The following NT5DC1 variants were observed in gnomAD, a reference collection of about 807,000 sequenced individuals.
NT5DC1 encodes the protein 5'-nucleotidase domain containing 1, also known as 5'-nucleotidase domain-containing protein 1.
Under a neutral mutation model 59.4 loss-of-function variants are expected in NT5DC1, and 42 were observed. The observed-to-expected ratio is 0.71, with a 90% CI of 0.55 to 0.92. NT5DC1 has a LOEUF of 0.92. Ranked by LOEUF, NT5DC1 falls within the 40% of genes least tolerant of loss-of-function variation. The probability of loss-of-function intolerance (pLI) is 0.00; values close to 1 mark genes in which losing one functional copy is unlikely to be tolerated. For missense variants in NT5DC1, 501 were observed against 537.1 expected (o/e 0.93, Z 0.66); for synonymous variants, 172 against 188.1 (o/e 0.91, Z 0.70).
chr6:116,236,335 G>A (rs1035063954), intron 8 of NT5DC1, among the ~76,000 whole-genome samples: 2 of 152,100 alleles, frequency 1.3e-5, no homozygotes, highest in East Asian at 3.9e-4. Flanking sequence ...TAGAATAGCC[G>A]GCAAAATTCA....
chr6:116,154,125 A>G (rs1780121837), intron 6 of NT5DC1, among the ~76,000 whole-genome samples: 1 of 150,446 alleles, frequency 6.6e-6, no homozygotes, highest in Non-Finnish European at 1.5e-5. Context: ...ATCAGCATTG[A>G]TTTGTAGTGT....
chr6:116,237,850 C>T (rs1457620093), intron 9 of NT5DC1, among the ~76,000 whole-genome samples: 1 of 152,196 alleles, frequency 6.6e-6, no homozygotes, highest in African/African-American at 2.4e-5. Context: ...ACCAGCTCTT[C>T]AACTGCAGGG....
intron 6 of NT5DC1, among the ~76,000 whole-genome samples, chr6:116,178,349 T>G (rs1043743951): frequency 2.6e-5 from 4 of 152,132 alleles, no homozygotes; most frequent in African/African-American, 9.7e-5. Flanking sequence ...TAGGACACCT[T>G]TCTGAACTCT....
At chr6:116,141,612 A>C (rs1257898336) in intron 6 of NT5DC1, among the ~76,000 whole-genome samples, 1 of 152,018 alleles carries the variant, frequency 6.6e-6, no homozygotes, top group Non-Finnish European at 1.5e-5. Context: ...TTAGTTGACC[A>C]TTCTTTTAAT....
At chr6:116,229,610 G>A (rs756024773) in intron 8 of NT5DC1, among the ~76,000 whole-genome samples, 14 of 152,126 alleles carry the variant, frequency 9.2e-5, no homozygotes, top group Non-Finnish European at 1.8e-4. Flanking sequence ...CGTGCAGTGC[G>A]TCACCAGATC....
intron 7 of NT5DC1, among the ~76,000 whole-genome samples, chr6:116,221,727 A>G (rs909167292): frequency 6.6e-6 from 1 of 152,234 alleles, no homozygotes; most frequent in African/African-American, 2.4e-5. Flanking sequence ...CTTGATTTCA[A>G]GCCCCGCTCT....
intron 6 of NT5DC1, among the ~76,000 whole-genome samples, chr6:116,180,958 AATT>A (rs537647012): frequency 6.6e-6 from 1 of 152,050 alleles, no homozygotes; most frequent in Non-Finnish European, 1.5e-5. Context: ...GATAGTAAAG[AATT>A]ATTGTTATAT....
In NT5DC1 at chr6:116,121,042, T is replaced by G. The variant is rs147229154; in HGVS notation, c.529+3097T>G. ...CTGGCCCTGTCTCACCTTTAGGGCCTGGGAGACCATGGCTACCCGGGATGC... is the reference window on the plus strand; with the variant it reads ...CTGGCCCTGTCTCACCTTTAGGGCCGGGGAGACCATGGCTACCCGGGATGC... On this transcript the variant is annotated intron_variant, in intron 6 of 11. Coordinates refer to ENST00000319550, the MANE Select transcript of NT5DC1 (RefSeq NM_152729.3). 5 of 1,614,086 alleles carry G rather than the reference T, an allele frequency of 3.1e-6. No individual in the cohort carries two copies. Among genetic ancestry groups the G allele is most frequent in the Non-Finnish European group, 4.2e-6 (5 of 1,179,950 alleles).
At chr6:116,145,492 T>C (rs1416126506) in intron 6 of NT5DC1, 4 of 370,642 alleles carry the variant, frequency 1.1e-5, no homozygotes, top group South Asian at 6.4e-5. Flanking sequence ...TTCATACTTA[T>C]TTAAGAGATT....
chr6:116,192,101 G>A (rs961633532), intron 6 of NT5DC1, among the ~76,000 whole-genome samples: 3 of 151,988 alleles, frequency 2.0e-5, no homozygotes, highest in Admixed American at 6.6e-5. Context: ...TTTGTCATGT[G>A]GACTTAATTA....
chr6:116,112,511 A>G (rs1778898641), intron 4 of NT5DC1, among the ~76,000 whole-genome samples: 1 of 152,224 alleles, frequency 6.6e-6, no homozygotes, highest in Non-Finnish European at 1.5e-5. Flanking sequence ...GGTATACAAA[A>G]GGAATTATGT....
At chr6:116,224,294 C>T (rs1781866611) in intron 8 of NT5DC1, among the ~76,000 whole-genome samples, 1 of 152,146 alleles carries the variant, frequency 6.6e-6, no homozygotes, top group Non-Finnish European at 1.5e-5. Context: ...TTGATAGTAG[C>T]TCAGTACTCA....
At chr6:116,160,579 T>C (rs1361537142) in intron 6 of NT5DC1, among the ~76,000 whole-genome samples, 3 of 152,214 alleles carry the variant, frequency 2.0e-5, no homozygotes, top group Non-Finnish European at 4.4e-5. Flanking sequence ...ATTGTCTATT[T>C]GCTGTGTTAT....
chr6:116,119,020 T>G (rs1017905538), intron 6 of NT5DC1: 3 of 152,624 alleles, frequency 2.0e-5, no homozygotes, highest in African/African-American at 7.2e-5. Context: ...TAATTCAGCC[T>G]AAAAATCTAT....
chr6:116,135,762 T>G (rs1053474574), intron 6 of NT5DC1, among the ~76,000 whole-genome samples: 1 of 149,740 alleles, frequency 6.7e-6, no homozygotes, highest in Admixed American at 6.7e-5. Flanking sequence ...TAAAAAATTT[T>G]TTTTCTGGCT....
rs186019216 is a variant in NT5DC1 at position 116,126,468 on chromosome 6, G to T, written c.529+8523G>T. Among the ~76,000 whole-genome samples, 188 of 152,022 alleles carry T rather than the reference G, an allele frequency of 1.2e-3. 2 individuals carry two copies. The highest frequency in any genetic ancestry group is 4.0e-4 in the Non-Finnish European group (27 of 67,982). On this transcript the variant is annotated intron_variant, in intron 6 of 11. Transcript: ENST00000319550. ...TGAAAAGCACATTCTTATGTTAATT[G>T]GTTGATATTATATAATATGTGGTAG...
intron 6 of NT5DC1, among the ~76,000 whole-genome samples, chr6:116,167,048 A>G (rs1228900681): frequency 6.6e-6 from 1 of 152,200 alleles, no homozygotes; most frequent in Non-Finnish European, 1.5e-5. Flanking sequence ...TTTGCCCCCA[A>G]GAAAATTAAA....
intron 6 of NT5DC1, among the ~76,000 whole-genome samples, chr6:116,204,068 G>C (rs1450833142): frequency 6.6e-6 from 1 of 151,722 alleles, no homozygotes; most frequent in Non-Finnish European, 1.5e-5. Flanking sequence ...GCTCACTTTG[G>C]GCAGTATAAT....
At chr6:116,210,620 T>A (rs1781557027) in intron 6 of NT5DC1, among the ~76,000 whole-genome samples, 1 of 151,986 alleles carries the variant, frequency 6.6e-6, no homozygotes, top group South Asian at 2.1e-4. Flanking sequence ...CATTAATAGT[T>A]ATAAAGGTCT....
Sources: gnomAD v4.1 joint callset for allele counts (sites outside exome capture counted in the v4.1 genomes callset) on GRCh38, gnomAD v4.1.1 for gene constraint, MANE v1.5 for transcripts, NCBI Gene and HGNC (gene_info 2026-07-23, HGNC 2026-07-21) for gene names.